TMEM232: variants seen among roughly 807,000 people sequenced by gnomAD.
The protein encoded by TMEM232 is transmembrane protein 232.
TMEM232 carries 80 observed loss-of-function variants against 78.8 expected under a neutral mutation model. The ratio of observed to expected loss-of-function variants is 1.01; its 90% CI spans 0.85 to 1.22. The LOEUF is 1.22. Ranked by LOEUF, TMEM232 falls within the 50% of genes most tolerant of loss-of-function variation. The pLI, the probability that TMEM232 is intolerant of heterozygous loss-of-function variation, is 0.00. For missense variants in TMEM232, 881 were observed against 742.2 expected (o/e 1.19, Z -2.17); for synonymous variants, 297 against 254.3 (o/e 1.17, Z -1.60).
At chr5:110,450,299 C>T (rs886514602) in intron 12 of TMEM232, among the ~76,000 whole-genome samples, 8 of 152,024 alleles carry the variant, frequency 5.3e-5, no homozygotes, top group South Asian at 4.1e-4. Context: ...AGCTCTTCTC[C>T]GTCTCTTGCT....
rs1770970961 is a variant in TMEM232, at chr5:110,528,700, TG to T, written c.1590del (p.Ile531LeufsTer8). 8 of 1,535,034 alleles carry T rather than the reference TG, an allele frequency of 5.2e-6. No individual in the cohort carries two copies. Among genetic ancestry groups the T allele is most frequent in the South Asian group, 2.4e-5 (2 of 83,928 alleles). ...ANTLSKLFFP[P>X]IEAHFLPLKK... ...TTCAAAGGAAGAAAATGGGCCTCAA[TG>T]GGGGGAAAGAATAGTTTGGAAAGAG... On this transcript the variant is annotated frameshift_variant, in exon 12 of 14. Transcript: ENST00000455884. LOFTEE classifies it high-confidence loss of function.
chr5:110,516,360 G>C (rs936339211), intron 12 of TMEM232, among the ~76,000 whole-genome samples: 4 of 152,062 alleles, frequency 2.6e-5, no homozygotes, highest in Non-Finnish European at 5.9e-5. Flanking sequence ...AGAGATTCGA[G>C]GCATAAGCTT....
At chr5:110,407,590 T>A (rs1755838409) in intron 2 of TMEM232, among the ~76,000 whole-genome samples, 1 of 152,186 alleles carries the variant, frequency 6.6e-6, no homozygotes, top group African/African-American at 2.4e-5. Context: ...TATAGGGCTT[T>A]AACAGCCCAC....
chr5:110,650,873 G>A (rs1019130689), intron 2 of TMEM232, among the ~76,000 whole-genome samples: 7 of 152,104 alleles, frequency 4.6e-5, no homozygotes, highest in African/African-American at 1.2e-4. Flanking sequence ...TCATACTAAT[G>A]TAGGATGTTA....
intron 1 of TMEM232, among the ~76,000 whole-genome samples, chr5:110,694,108 G>A (rs1383215606): frequency 2.6e-5 from 4 of 151,886 alleles, no homozygotes; most frequent in South Asian, 2.1e-4. Flanking sequence ...CGGATCTCTC[G>A]GCAGAAACTC....
intron 3 of TMEM232, 87 bp downstream of exon 3, chr5:110,642,173 T>G (rs1390752716): frequency 1.5e-5 from 11 of 758,236 alleles, no homozygotes; most frequent in Non-Finnish European, 2.2e-5. Context: ...ATATTCTTAT[T>G]TTTTCTTAAA....
In TMEM232 at chr5:110,393,526, T is replaced by C. The variant is rs1304970752; in HGVS notation, n.391-2886A>G. 4.6e-5 allele frequency among the ~76,000 whole-genome samples: 7 copies of C among 152,330 alleles called. No individual in the cohort carries two copies. The East Asian group carries it at 5.8e-4, about 13-fold the overall frequency. On this transcript the variant is annotated intron_variant and non_coding_transcript_variant, in intron 3 of 8. Coordinates refer to the TMEM232 transcript ENST00000507188. Reference sequence around the variant, plus strand: ...TTATTTTTAGCCTATGTTTTTATAATTAAAATTGACTAACTATAGATAGCA... The same window carrying C: ...TTATTTTTAGCCTATGTTTTTATAACTAAAATTGACTAACTATAGATAGCA...
intron 2 of TMEM232, among the ~76,000 whole-genome samples, chr5:110,650,496 T>C (rs1788156973): frequency 6.6e-6 from 1 of 152,112 alleles, no homozygotes; most frequent in South Asian, 2.1e-4. Context: ...CAGTGATAAA[T>C]TGTTTTGATT....
At chr5:110,460,663 C>T (rs995991347) in intron 12 of TMEM232, among the ~76,000 whole-genome samples, 1 of 145,180 alleles carries the variant, frequency 6.9e-6, no homozygotes, top group African/African-American at 2.8e-5. Context: ...ACAGATATTG[C>T]ATTTTTCTTT....
chr5:110,715,572 T>C lies in TMEM232; in HGVS notation c.-13+11055A>G, dbSNP rs76713873. Among the ~76,000 whole-genome samples, 8 of 152,224 alleles carry C rather than the reference T, an allele frequency of 5.3e-5. No homozygotes were observed. The South Asian group carries it at 1.7e-3, about 32-fold the overall frequency. ...TTATGAAAATACATTCTGCTGACAA[T>C]TACATTAATACATTTTCTAAGGTGA... On this transcript the variant is annotated intron_variant, in intron 1 of 13. Transcript: ENST00000455884.
chr5:110,454,359 G>A (rs1203970779), intron 12 of TMEM232, among the ~76,000 whole-genome samples: 1 of 152,022 alleles, frequency 6.6e-6, no homozygotes, highest in Non-Finnish European at 1.5e-5. Flanking sequence ...AGGGACAGTG[G>A]CATCTCCCAG....
upstream of TMEM232, chr5:110,738,802 C>G: frequency 2.1e-6 from 1 of 482,330 alleles, no homozygotes. Flanking sequence ...TATTCCTACA[C>G]CAGTTCTCTT....
At chr5:110,731,858 G>T (rs555011280) in intron 2 of TMEM232, among the ~76,000 whole-genome samples, 1 of 152,310 alleles carries the variant, frequency 6.6e-6, no homozygotes, top group South Asian at 2.1e-4. Flanking sequence ...AATTTCTGTG[G>T]CCAGCTTGAA....
At chr5:110,618,355 G>T in intron 8 of TMEM232, 74 bp downstream of exon 8, 1 of 1,518,828 alleles carries the variant, frequency 6.6e-7, no homozygotes, top group South Asian at 1.3e-5. Context: ...TAACATTTAG[G>T]TACAAGGGTT....
chr5:110,561,344 A>G (rs1422829031), intron 11 of TMEM232, among the ~76,000 whole-genome samples: 1 of 151,876 alleles, frequency 6.6e-6, no homozygotes, highest in Admixed American at 6.6e-5. Flanking sequence ...TAAAGTTTCA[A>G]TTTCCTCATC....
chr5:110,499,343 G>A (rs1765964754), intron 12 of TMEM232, among the ~76,000 whole-genome samples: 1 of 152,100 alleles, frequency 6.6e-6, no homozygotes, highest in Non-Finnish European at 1.5e-5. Context: ...CCCCGGCTGA[G>A]TGCAGAGGCC....
chr5:110,647,026 T>A lies in TMEM232; in HGVS notation c.126-4655A>T, dbSNP rs77446458. Among the ~76,000 whole-genome samples, 1,102 of 151,930 alleles carry A rather than the reference T, an allele frequency of 7.3e-3. 15 individuals are homozygous for A. The highest frequency in any genetic ancestry group is 0.025 in the African/African-American group (1,050 of 41,534). The stretch of plus-strand genomic sequence containing the variant: ...ATATTACTATGGTATACTGGAAGTA[T>A]AAGTTGTATAGAGACTTCCAGAGAG... On this transcript the variant is annotated intron_variant, in intron 2 of 13. Coordinates refer to ENST00000455884, the MANE Select transcript of TMEM232 (RefSeq NM_001039763.4).
At position 110,466,181 on chromosome 5, in the gene TMEM232, G is replaced by T. The variant is rs913385930; in HGVS notation, c.1704-41265C>A. Among the ~76,000 whole-genome samples, 8 of 152,252 alleles carry T rather than the reference G, an allele frequency of 5.3e-5. No individual in the cohort carries two copies. The East Asian group carries it at 7.7e-4, about 15-fold the overall frequency. ...ATTCCCAAAATATTACCTTAGTACT[G>T]CTAAGGCAAAAGAAAGTGATATCAC... On this transcript the variant is annotated intron_variant, in intron 12 of 13. Transcript: ENST00000455884.
At chr5:110,548,265 C>T (rs1774024695) in intron 11 of TMEM232, among the ~76,000 whole-genome samples, 2 of 150,568 alleles carry the variant, frequency 1.3e-5, no homozygotes, top group African/African-American at 2.4e-5. Flanking sequence ...TACACGAACA[C>T]ATCCAGATAT....
Sources: allele counts gnomAD v4.1 joint callset (sites outside exome capture counted in the v4.1 genomes callset), GRCh38; gene constraint gnomAD v4.1.1; transcripts MANE v1.5; gene names NCBI Gene and HGNC (gene_info 2026-07-23, HGNC 2026-07-21).